ZNF212: variants seen among roughly 807,000 people sequenced by gnomAD.
ZNF212 encodes Zinc finger protein C2H2-150.
Under a neutral mutation model 47.3 loss-of-function variants are expected in ZNF212, and 32 were observed. That is an observed-to-expected ratio of 0.68 (90% CI 0.51 to 0.91). The LOEUF is 0.91. Among genes scored for constraint, ZNF212 ranks in the 40% least tolerant of loss-of-function variants. The pLI is 0.00. For missense variants in ZNF212, 555 were observed against 622.8 expected, an observed-to-expected ratio of 0.89 and a Z score of 1.16; for synonymous variants, 242 against 253.8, an observed-to-expected ratio of 0.95 and a Z score of 0.44.
At chr7:149,244,466 C>T (rs1163515248) in intron 1 of ZNF212, among the ~76,000 whole-genome samples, 1 of 152,072 alleles carries the variant, frequency 6.6e-6, no homozygotes, top group Non-Finnish European at 1.5e-5. Flanking sequence ...GAGCCCGTCA[C>T]CACGCCCGGC....
chr7:149,250,749 G>A lies in ZNF212; in HGVS notation c.483G>A (p.Trp161Ter). 6.2e-7 allele frequency: 1 copy of A among 1,614,242 alleles called. No individual in the cohort carries two copies. Among genetic ancestry groups the A allele is most frequent in the Non-Finnish European group, 8.5e-7 (1 of 1,180,052 alleles). Residue 161 changes from tryptophan to a stop codon, truncating the protein, a stop_gained, in exon 3 of 5, where the codon TGG becomes TGA. Coordinates refer to ENST00000335870, the MANE Select transcript of ZNF212 (RefSeq NM_012256.4). LOFTEE classifies it high-confidence loss of function. ...AGGAATGGGAGAATCTGGAGGATTG[G>A]CAGAAGGAGCTCTACAGAAACGTGA... The part of the protein sequence containing the change: ...TEQEWENLED[W>*]QKELYRNVME...
chr7:149,243,503 C>T (rs1796629976), intron 1 of ZNF212, among the ~76,000 whole-genome samples: 1 of 122,020 alleles, frequency 8.2e-6, no homozygotes, highest in African/African-American at 3.1e-5. Context: ...GATATAGAAA[C>T]AGTTGAATAT....
At chr7:149,239,846 G>A (rs768165535) in intron 1 of ZNF212, 44 bp downstream of exon 1, 53 of 1,266,674 alleles carry the variant, frequency 4.2e-5, no homozygotes, top group Non-Finnish European at 4.1e-5. Context: ...CGTTGGGGAT[G>A]GCGGAGTCCC....
At chr7:149,243,347 T>C (rs1585591157) in intron 1 of ZNF212, among the ~76,000 whole-genome samples, 1 of 141,060 alleles carries the variant, frequency 7.1e-6, no homozygotes, top group African/African-American at 2.7e-5. Flanking sequence ...GGCAGGAAAA[T>C]CACTTGAACC....
Position 149,253,673 on chromosome 7 carries a change from C to T in ZNF212, c.746C>T (p.Thr249Ile), listed in dbSNP as rs144961574. ...CAGGCTTTCCTGAGCCCAGAGCAGA[C>T]CGAACTCTGGGGTGGTCAGGGCAGT... is the stretch of plus-strand genomic sequence containing the variant. ...EEQAFLSPEQ[T>I]ELWGGQGSSV... The change falls in exon 5 of 5, where the codon ACC (threonine) becomes ATC (isoleucine). Residue 249 changes from threonine to isoleucine, a missense_variant. Transcript: ENST00000335870. 26 of 1,614,090 alleles carry T rather than the reference C, an allele frequency of 1.6e-5. No homozygotes were observed. Among genetic ancestry groups the T allele is most frequent in the Non-Finnish European group, 2.0e-5 (24 of 1,180,042 alleles).
chr7:149,254,540 A>G lies in ZNF212; in HGVS notation c.*125A>G. ...GTTTGTGATTGCCTTCCCTTGTCCC[A>G]GTACCAAGCCAAGCCCAAAGGCTGT... On this transcript the variant is annotated 3_prime_UTR_variant, in exon 5 of 5. Coordinates refer to ENST00000335870, the MANE Select transcript of ZNF212 (RefSeq NM_012256.4). The surrounding 1 kb of genome is among the most constrained non-coding windows in gnomAD (Gnocchi z 4.5). 2.2e-6 allele frequency: 3 copies of G among 1,379,060 alleles called. No individual in the cohort carries two copies. Among genetic ancestry groups the G allele is most frequent in the Non-Finnish European group, 1.9e-6 (2 of 1,046,570 alleles). 85.4% of individuals were successfully genotyped at this position (1,379,060 alleles called of 1,614,324 possible). A position where few individuals can be genotyped will look rare whatever the true frequency, so the allele number is the denominator to read the frequency against.
In ZNF212 at chr7:149,252,774, G is replaced by T; in HGVS notation, c.610G>T (p.Gly204Cys). 1.2e-6 allele frequency: 2 copies of T among 1,614,072 alleles called. No homozygotes were observed. The highest frequency in any genetic ancestry group is 2.2e-5 in the South Asian group (2 of 91,076). Residue 204 changes from glycine to cysteine, a missense_variant, in exon 4 of 5, where the codon GGT becomes TGT. Gly to Cys is a radical substitution (Grantham distance 159). Transcript: ENST00000335870. ...GATGCTGGGTGACTTGGAAGAGGAAGGTCCTGGTGGTGCCCACCCAGGTGA... is the reference window on the plus strand; with the variant it reads ...GATGCTGGGTGACTTGGAAGAGGAATGTCCTGGTGGTGCCCACCCAGGTGA... ...TEMLGDLEEE[G>C]PGGAHPAGGV...
chr7:149,253,041 G>A (rs542259539), intron 4 of ZNF212, among the ~76,000 whole-genome samples: 1 of 152,220 alleles, frequency 6.6e-6, no homozygotes, highest in African/African-American at 2.4e-5. Flanking sequence ...ATAGAGTACC[G>A]TACGAGGCGG....
Position 149,253,663 on chromosome 7 carries a change from C to T in ZNF212, c.736C>T (p.Pro246Ser), listed in dbSNP as rs1234898358. The T allele has an allele frequency of 1.9e-6, 3 of 1,614,050 alleles. No homozygotes were observed. In the African/African-American group the frequency reaches 4.0e-5, roughly 22 times the overall value. ...TGCTGAAGAGCAGGCTTTCCTGAGCCCAGAGCAGACCGAACTCTGGGGTGG... is the reference window on the plus strand; with the variant it reads ...TGCTGAAGAGCAGGCTTTCCTGAGCTCAGAGCAGACCGAACTCTGGGGTGG... ...CIAEEQAFLSPEQTELWGGQG... is the reference protein window; with the variant it reads ...CIAEEQAFLSSEQTELWGGQG... Residue 246 changes from proline to serine, a missense_variant, in exon 5 of 5, where the codon CCA (proline) becomes TCA (serine). Coordinates refer to ENST00000335870, the MANE Select transcript of ZNF212 (RefSeq NM_012256.4).
At chr7:149,250,866 C>T in intron 3 of ZNF212, 59 bp downstream of exon 3, 1 of 1,603,146 alleles carries the variant, frequency 6.2e-7, no homozygotes, top group Non-Finnish European at 8.5e-7. Context: ...TCCTGGCTGG[C>T]AGCCTGTAAT....
At chr7:149,242,519 CAA>C (rs776122983) in intron 1 of ZNF212, among the ~76,000 whole-genome samples, 8 of 151,924 alleles carry the variant, frequency 5.3e-5, no homozygotes, top group Non-Finnish European at 8.8e-5. Context: ...GTTTCAGAAA[CAA>C]AGATGTAAAG....
In ZNF212 at chr7:149,250,814, A is replaced by G. The variant is rs1796744173; in HGVS notation, c.541+7A>G. On this transcript the variant is annotated splice_region_variant and intron_variant, in intron 3 of 4. Transcript: ENST00000335870. ...GAGACACTGGTCTCTCTGAGTGAGT[A>G]GCAGTTTTCTCCCTAGAATTCTGTC... is the stretch of plus-strand genomic sequence containing the variant. The G allele has an allele frequency of 6.2e-7, 1 of 1,614,040 alleles. No individual in the cohort carries two copies. Among genetic ancestry groups the G allele is most frequent in the African/African-American group, 1.3e-5 (1 of 74,948 alleles).
chr7:149,250,137 C>T (rs1283760713), intron 1 of ZNF212, 22 bp from the exon 2 acceptor site: 3 of 1,494,486 alleles, frequency 2.0e-6, no homozygotes, highest in East Asian at 2.3e-5. Flanking sequence ...GTGACATTGA[C>T]CCTGTGTCTT....
intron 1 of ZNF212, among the ~76,000 whole-genome samples, chr7:149,246,953 C>T (rs1026826194): frequency 2.7e-5 from 4 of 150,188 alleles, no homozygotes; most frequent in African/African-American, 4.9e-5. Flanking sequence ...GCTGGTATTA[C>T]AGGCATGCGC....
At chr7:149,246,438 A>G (rs1275021303) in intron 1 of ZNF212, among the ~76,000 whole-genome samples, 1 of 150,196 alleles carries the variant, frequency 6.7e-6, no homozygotes, top group African/African-American at 2.5e-5. Flanking sequence ...GCTGGAGTGC[A>G]GTGACGTGAT....
intron 1 of ZNF212, among the ~76,000 whole-genome samples, chr7:149,242,227 G>T (rs918768170): frequency 3.3e-5 from 5 of 151,662 alleles, no homozygotes; most frequent in African/African-American, 1.2e-4. Context: ...CACCGTGTTG[G>T]CTGGGCTGGT....
chr7:149,250,643 G>C (rs546773695), intron 2 of ZNF212, 38 bp from the exon 3 acceptor site: 1 of 1,613,878 alleles, frequency 6.2e-7, no homozygotes, highest in Non-Finnish European at 8.5e-7. Flanking sequence ...TCATAGCTGT[G>C]AGTAGAAGCA....
chr7:149,253,425 G>A, intron 4 of ZNF212, 134 bp from the exon 5 acceptor site: 1 of 1,108,560 alleles, frequency 9.0e-7, no homozygotes, highest in Non-Finnish European at 1.3e-6. Flanking sequence ...CCTAGCCAGT[G>A]TCATCCTCCT....
intron 1 of ZNF212, among the ~76,000 whole-genome samples, chr7:149,240,342 G>T (rs1796569055): frequency 6.6e-6 from 1 of 151,868 alleles, no homozygotes; most frequent in African/African-American, 2.4e-5. Flanking sequence ...CAGTGCAGTT[G>T]CTGCATTTTG....
Sources: allele counts gnomAD v4.1 joint callset (sites outside exome capture counted in the v4.1 genomes callset), GRCh38; gene constraint gnomAD v4.1.1; non-coding constraint Gnocchi (gnomAD v3.1); transcripts MANE v1.5; gene names NCBI Gene and HGNC (gene_info 2026-07-23, HGNC 2026-07-21).